The following GUCD1 variants were observed in gnomAD, a reference collection of about 807,000 sequenced individuals.
GUCD1 encodes guanylyl cyclase domain containing 1, also known as protein GUCD1.
A neutral mutation model predicts 28.3 loss-of-function variants in GUCD1; 17 were observed. The observed-to-expected ratio is 0.60, with a 90% CI of 0.41 to 0.90. The LOEUF is 0.90. Ranked by LOEUF, GUCD1 falls within the 40% of genes least tolerant of loss-of-function variation. The pLI is 0.00. For synonymous variants in GUCD1, 129 were observed against 123.3 expected (o/e 1.05, Z -0.30); for missense variants, 279 against 305.5 (o/e 0.91, Z 0.65).
At chr22:24,544,516 C>T (rs977417334) in intron 4 of GUCD1, among the ~76,000 whole-genome samples, 6 of 152,240 alleles carry the variant, frequency 3.9e-5, no homozygotes, top group African/African-American at 1.4e-4. Flanking sequence ...CAGACACTTT[C>T]AAAACCAAAT....
At position 24,543,044 on chromosome 22, in the gene GUCD1, T is replaced by C. The variant is rs2044632067; in HGVS notation, c.682A>G (p.Thr228Ala). Residue 228 changes from threonine to alanine, a missense_variant, in exon 6 of 6, where the codon ACA (threonine) becomes GCA (alanine). Physicochemically the swap from Thr to Ala is moderately conservative, Grantham distance 58 (BLOSUM62 0). Coordinates refer to ENST00000435822, the MANE Select transcript of GUCD1 (RefSeq NM_001284254.2). Reference sequence around the variant, plus strand: ...TAGACAAAGAGGATGTCCTCATCTGTGCCATAGCTGGTTCTGGCCTCCTCA... The same window carrying C: ...TAGACAAAGAGGATGTCCTCATCTGCGCCATAGCTGGTTCTGGCCTCCTCA... Reference protein sequence around the residue: ...NFEEARTSYGTDEDILFVYLD... With the variant: ...NFEEARTSYGADEDILFVYLD... 6.2e-7 allele frequency: 1 copy of C among 1,613,906 alleles called. No homozygotes were observed.
At chr22:24,547,711 G>A (rs1031677884) in intron 3 of GUCD1, 197 bp downstream of exon 3, 21 of 580,198 alleles carry the variant, frequency 3.6e-5, no homozygotes, top group South Asian at 2.5e-4. Flanking sequence ...GGGCAGGCCC[G>A]ACTGCAAGGG....
At chr22:24,547,184 G>A in intron 3 of GUCD1, 179 bp from the exon 4 acceptor site, 1 of 593,678 alleles carries the variant, frequency 1.7e-6, no homozygotes, top group Non-Finnish European at 3.0e-6. Flanking sequence ...GTCCTAAGCA[G>A]GAGCAGGGAA....
chr22:24,553,349 T>G (rs2044934001), intron 1 of GUCD1, among the ~76,000 whole-genome samples: 2 of 152,236 alleles, frequency 1.3e-5, no homozygotes, highest in South Asian at 4.1e-4. Context: ...CTCCATGCTC[T>G]AATCCCTCTC....
At chr22:24,546,401 T>C (rs896493047) in intron 4 of GUCD1, among the ~76,000 whole-genome samples, 1 of 152,204 alleles carries the variant, frequency 6.6e-6, no homozygotes, top group African/African-American at 2.4e-5. Context: ...CACTCCCACG[T>C]AGCCCAGAAA....
chr22:24,555,500 C>G, upstream of GUCD1: 3 of 1,293,870 alleles, frequency 2.3e-6, no homozygotes, highest in South Asian at 2.8e-5. Context: ...TCCCCGAGGC[C>G]CCAAGCAACT....
Position 24,543,083 on chromosome 22 carries a change from T to C in GUCD1, c.643A>G (p.Ser215Gly), listed in dbSNP as rs765061455. Residue 215 changes from serine (S) to glycine (G), a missense_variant, in exon 6 of 6, where the codon AGC (serine) becomes GGC (glycine). Physicochemically the swap from Ser to Gly is moderately conservative, Grantham distance 56. Transcript: ENST00000435822. ...CTGGCCTCCTCAAAGTTACTGATGC[T>C]GGTGCTGCACATTCCTGCTGGGGGT... ...PAYADRMCST[S>G]ISNFEEARTS... 6.2e-7 allele frequency: 1 copy of C among 1,613,894 alleles called. No homozygotes were observed. The highest frequency in any genetic ancestry group is 8.5e-7 in the Non-Finnish European group (1 of 1,179,806).
chr22:24,546,831 C>T, intron 4 of GUCD1, 83 bp downstream of exon 4: 2 of 1,256,592 alleles, frequency 1.6e-6, no homozygotes, highest in Non-Finnish European at 2.3e-6. Context: ...CTTTCCTGAA[C>T]ACCATCCCGA....
chr22:24,555,531 G>A (rs2045036526), upstream of GUCD1: 3 of 1,446,392 alleles, frequency 2.1e-6, no homozygotes, highest in Admixed American at 2.0e-5. Flanking sequence ...TGTCTTTAGG[G>A]ATAACCCTGA....
rs754372061 is a variant in GUCD1 at position 24,548,943 on chromosome 22, G to A, written c.102C>T (p.Gly34=). Residue 34 remains glycine (G), a synonymous_variant, in exon 2 of 6, where the codon GGC becomes GGT. Transcript: ENST00000435822. ...VIQQLYHWDC[G]LACSRMVLRY... ...GCAGCACCATCCTGGAGCAGGCCAG[G>A]CCACAGTCCCAGTGGTAGAGCTGCT... 1.9e-6 allele frequency: 3 copies of A among 1,584,464 alleles called. No homozygotes were observed. Among genetic ancestry groups the A allele is most frequent in the Non-Finnish European group, 2.6e-6 (3 of 1,165,138 alleles).
upstream of GUCD1, chr22:24,555,360 CTTTCTTTGA>C: frequency 7.4e-7 from 1 of 1,357,524 alleles, no homozygotes; most frequent in Non-Finnish European, 9.6e-7. Context: ...AGCCCCGCCC[CTTTCTTTGA>C]GCCCCGCCCC....
chr22:24,554,818 G>T, intron 1 of GUCD1, 131 bp downstream of exon 1: 1 of 686,962 alleles, frequency 1.5e-6, no homozygotes, highest in South Asian at 1.8e-5. Flanking sequence ...AACCCCCACT[G>T]ACTGGAACCA....
intron 1 of GUCD1, among the ~76,000 whole-genome samples, chr22:24,549,779 C>A (rs2044824842): frequency 6.6e-6 from 1 of 152,178 alleles, no homozygotes. Flanking sequence ...CTCAGCCTCC[C>A]AAAGTGCTGG....
chr22:24,551,856 G>A (rs960427042), intron 1 of GUCD1, among the ~76,000 whole-genome samples: 2 of 152,148 alleles, frequency 1.3e-5, no homozygotes, highest in African/African-American at 4.8e-5. Context: ...CCATTGTGGT[G>A]GTATGAAGAA....
chr22:24,544,978 C>T (rs1287762853), intron 4 of GUCD1, among the ~76,000 whole-genome samples: 2 of 151,370 alleles, frequency 1.3e-5, no homozygotes, highest in African/African-American at 4.9e-5. Flanking sequence ...TGCAATATTG[C>T]GCCACAGCAC....
chr22:24,551,061 G>C (rs1193836000), intron 1 of GUCD1, among the ~76,000 whole-genome samples: 2 of 152,214 alleles, frequency 1.3e-5, no homozygotes, highest in Non-Finnish European at 2.9e-5. Context: ...AAGTTGCCTG[G>C]CCTCTCTGTG....
chr22:24,555,409 CGTCCCTTCGGCAAGCCCCGCCTCTGCCGG>C, upstream of GUCD1: 1 of 1,218,228 alleles, frequency 8.2e-7, no homozygotes, highest in Non-Finnish European at 1.1e-6. Flanking sequence ...AATAGAGGCT[CGTCCCTTCGGCAAGCCCCGCCTCTGCCGG>C]GTCCCGCTCT....
chr22:24,542,011 G>A lies in GUCD1; in HGVS notation c.*995C>T, dbSNP rs993208058. Reference sequence around the variant, plus strand: ...GCTACTTGCTGTGTTGTAAGATCCTGGGCAGGAACCCCTCTTCTCCATCAA... The same window carrying A: ...GCTACTTGCTGTGTTGTAAGATCCTAGGCAGGAACCCCTCTTCTCCATCAA... On this transcript the variant is annotated 3_prime_UTR_variant, in exon 6 of 6. Transcript: ENST00000435822. 37 of 152,248 alleles carry A rather than the reference G, an allele frequency of 2.4e-4. No individual in the cohort carries two copies. Among genetic ancestry groups the A allele is most frequent in the African/African-American group, 8.4e-4 (35 of 41,462 alleles). The allele number at this position is 152,248 out of a possible 1,614,324, so 9.4% of individuals were successfully genotyped here. A position where few individuals can be genotyped will look rare whatever the true frequency, so the allele number is the denominator to read the frequency against.
chr22:24,547,848 C>T (rs895523822), intron 3 of GUCD1, 60 bp downstream of exon 3: 78 of 1,566,552 alleles, frequency 5.0e-5, no homozygotes, highest in Non-Finnish European at 3.6e-5. Flanking sequence ...CTACTGGAAC[C>T]AGGTGGCCTT....
Sources: allele counts gnomAD v4.1 joint callset (sites outside exome capture counted in the v4.1 genomes callset), GRCh38; gene constraint gnomAD v4.1.1; transcripts MANE v1.5; gene names NCBI Gene and HGNC (gene_info 2026-07-23, HGNC 2026-07-21).